Variants in FMNL2 observed in about 807,000 individuals in gnomAD.
The protein encoded by FMNL2 is formin like 2, also known as formin-like protein 2.
In FMNL2, 51 loss-of-function variants were observed where a neutral mutation model predicts 130.2. The observed-to-expected ratio is 0.39, with a 90% CI of 0.31 to 0.49. The LOEUF (loss-of-function observed/expected upper bound fraction) is 0.49, where lower values mean the gene tolerates loss of function less well. Among genes scored for constraint, FMNL2 ranks in the 20% least tolerant of loss-of-function variants. The probability of loss-of-function intolerance (pLI) is 0.85; values close to 1 mark genes in which losing one functional copy is unlikely to be tolerated. For synonymous variants in FMNL2, 465 were observed against 467.1 expected (o/e 1.00, Z 0.06); for missense variants, 977 against 1,316.2 (o/e 0.74, Z 3.99).
At chr2:152,491,747 T>C (rs1313600108) in intron 1 of FMNL2, among the ~76,000 whole-genome samples, 1 of 152,172 alleles carries the variant, frequency 6.6e-6, no homozygotes, top group Non-Finnish European at 1.5e-5. Context: ...GGTCAGGAGT[T>C]TGAGGCCAGC....
Position 152,558,750 on chromosome 2 carries a change from G to T in FMNL2, c.370G>T (p.Glu124Ter). 1.2e-6 allele frequency: 2 copies of T among 1,610,284 alleles called. No homozygotes were observed. Among genetic ancestry groups the T allele is most frequent in the South Asian group, 1.1e-5 (1 of 90,748 alleles). ...TTTTTTCCCCAACAGATGGGTCAGA[G>T]AATTTCTGAATGAAGAAAACAAAGG... is the stretch of plus-strand genomic sequence containing the variant. ...LRTNHIGWVR[E>*]FLNEENKGLD... The change falls in exon 5 of 26, where the codon GAA (glutamate) becomes TAA (stop). Residue 124 changes from glutamate (E) to a stop codon, truncating the protein, a stop_gained. Transcript: ENST00000288670. LOFTEE classifies it high-confidence loss of function.
At chr2:152,528,304 A>G (rs1693504956) in intron 2 of FMNL2, among the ~76,000 whole-genome samples, 2 of 152,216 alleles carry the variant, frequency 1.3e-5, no homozygotes. Flanking sequence ...GGCTGCCATA[A>G]CAAATTACTG....
intron 1 of FMNL2, among the ~76,000 whole-genome samples, chr2:152,375,519 T>G (rs898453255): frequency 1.3e-5 from 2 of 152,240 alleles, no homozygotes; most frequent in Non-Finnish European, 2.9e-5. Context: ...AATGTTAAGT[T>G]TAATTCAGAT....
At chr2:152,349,666 A>G (rs1424699085) in intron 1 of FMNL2, among the ~76,000 whole-genome samples, 1 of 152,210 alleles carries the variant, frequency 6.6e-6, no homozygotes. Flanking sequence ...CTGGGGAAAC[A>G]AGCAACAATA....
At chr2:152,631,801 T>C (rs189387677) in intron 20 of FMNL2, among the ~76,000 whole-genome samples, 176 of 152,282 alleles carry the variant, frequency 1.2e-3, no homozygotes, top group Non-Finnish European at 1.7e-3. Flanking sequence ...GCATGTGCCC[T>C]GGTTGGAAAG....
intron 3 of FMNL2, among the ~76,000 whole-genome samples, chr2:152,543,081 T>C (rs1021545777): frequency 2.6e-5 from 4 of 152,226 alleles, no homozygotes; most frequent in East Asian, 1.9e-4. Flanking sequence ...TCCAATTACG[T>C]AGGGCAGTGA....
chr2:152,581,609 C>G (rs1159216363), intron 9 of FMNL2, among the ~76,000 whole-genome samples: 1 of 152,030 alleles, frequency 6.6e-6, no homozygotes, highest in Non-Finnish European at 1.5e-5. Context: ...GGCCCTGCCC[C>G]AGCGTATCCA....
rs191310507 is a variant in FMNL2 at position 152,354,632 on chromosome 2, G to C, written c.117+18912G>C. Among the ~76,000 whole-genome samples the C allele has an allele frequency of 2.0e-5, 3 of 152,250 alleles. No homozygotes were observed. In the East Asian group the frequency reaches 5.8e-4, roughly 29 times the overall value. On this transcript the variant is annotated intron_variant, in intron 1 of 25. Transcript: ENST00000288670. ...TCAAATAAAAACACACCACCATCCA[G>C]AAATGAGAGCCTAGAATTTTCTAAA...
At chr2:152,469,020 C>T (rs564853796) in intron 1 of FMNL2, among the ~76,000 whole-genome samples, 5 of 152,130 alleles carry the variant, frequency 3.3e-5, no homozygotes, top group East Asian at 1.9e-4. Context: ...TGACTCACAA[C>T]GTGATAAAAT....
At chr2:152,607,442 A>G in intron 10 of FMNL2, 29 bp downstream of exon 10, 3 of 1,544,666 alleles carry the variant, frequency 1.9e-6, no homozygotes, top group East Asian at 4.5e-5. Flanking sequence ...CAATAAAGCA[A>G]ACTCAGTTTC....
chr2:152,349,722 A>C (rs73970604), intron 1 of FMNL2, among the ~76,000 whole-genome samples: 13,416 of 151,120 alleles, frequency 0.089, 666 homozygotes, highest in African/African-American at 0.14. Flanking sequence ...AGATATGCTA[A>C]GGGTTTGGAG....
intron 1 of FMNL2, among the ~76,000 whole-genome samples, chr2:152,483,172 CT>C (rs1184787292): frequency 1.3e-5 from 2 of 152,016 alleles, no homozygotes; most frequent in African/African-American, 4.8e-5. Flanking sequence ...TATTTTGACT[CT>C]TTAAAAAAAC....
intron 1 of FMNL2, among the ~76,000 whole-genome samples, chr2:152,480,011 G>GATGCAAGCATATACTTAA (rs1690405997): frequency 6.6e-6 from 1 of 152,196 alleles, no homozygotes; most frequent in African/African-American, 2.4e-5. Context: ...AAATGAATGT[G>GATGCAAGCATATACTTAA]ATGCAAGCAT....
At chr2:152,371,650 CAG>C (rs1343146133) in intron 1 of FMNL2, among the ~76,000 whole-genome samples, 1 of 118,982 alleles carries the variant, frequency 8.4e-6, no homozygotes, top group African/African-American at 3.3e-5. Flanking sequence ...GCCTGGGTGA[CAG>C]AGTGAGACTC....
chr2:152,414,480 G>T (rs1028942879), intron 1 of FMNL2, among the ~76,000 whole-genome samples: 4 of 152,120 alleles, frequency 2.6e-5, no homozygotes, highest in African/African-American at 9.7e-5. Context: ...CATCCTCACC[G>T]CTGAGCTGTG....
At chr2:152,476,459 C>T (rs1025093062) in intron 1 of FMNL2, among the ~76,000 whole-genome samples, 4 of 152,012 alleles carry the variant, frequency 2.6e-5, no homozygotes, top group African/African-American at 7.2e-5. Context: ...TCTCTTGAGC[C>T]CAAGAGTGTG....
intron 24 of FMNL2, among the ~76,000 whole-genome samples, chr2:152,640,423 AG>A (rs1682983582): frequency 1.3e-5 from 2 of 152,242 alleles, no homozygotes; most frequent in Admixed American, 1.3e-4. Context: ...GCAGGAATGG[AG>A]GGAACATTTC....
chr2:152,637,987 C>G (rs1349653653), intron 23 of FMNL2, among the ~76,000 whole-genome samples: 2 of 152,212 alleles, frequency 1.3e-5, no homozygotes, highest in Non-Finnish European at 2.9e-5. Context: ...CTTGAAAATC[C>G]AGGCCTCTTG....
intron 1 of FMNL2, among the ~76,000 whole-genome samples, chr2:152,369,604 C>T (rs1025208159): frequency 2.6e-5 from 4 of 152,176 alleles, no homozygotes; most frequent in Admixed American, 1.3e-4. Flanking sequence ...TACTGCGTGC[C>T]GATTGTCTAG....
Sources: allele counts gnomAD v4.1 joint callset (sites outside exome capture counted in the v4.1 genomes callset), GRCh38; gene constraint gnomAD v4.1.1; transcripts MANE v1.5; gene names NCBI Gene and HGNC (gene_info 2026-07-23, HGNC 2026-07-21).